The following SF3A1 variants were observed in gnomAD, a reference collection of about 807,000 sequenced individuals.
SF3A1 encodes the protein splicing factor 3a subunit 1.
Under a neutral mutation model 89.9 loss-of-function variants are expected in SF3A1, and 13 were observed. The ratio of observed to expected loss-of-function variants is 0.14; its 90% CI spans 0.09 to 0.23. The LOEUF (loss-of-function observed/expected upper bound fraction) is 0.23. Ranked by LOEUF, SF3A1 falls within the 10% of genes least tolerant of loss-of-function variation. The pLI, the probability that SF3A1 is intolerant of heterozygous loss-of-function variation, is 1.00. For synonymous variants in SF3A1, 405 were observed against 374.4 expected, an observed-to-expected ratio of 1.08 and a Z score of -0.94; for missense variants, 604 against 1,022.1, an observed-to-expected ratio of 0.59 and a Z score of 5.58.
In SF3A1 at chr22:30,340,777, G is replaced by C. The variant is rs763032230; in HGVS notation, c.1107C>G (p.Pro369=). ...GAGGCATGGGTGTCTCTGGGGGTGGGGGCACTTTCTGCCCTTCTTCTTCAT... is the reference window on the plus strand; with the variant it reads ...GAGGCATGGGTGTCTCTGGGGGTGGCGGCACTTTCTGCCCTTCTTCTTCAT... ...SDDEEEGQKV[P]PPPETPMPPP... is the part of the protein sequence containing the mutation. Residue 369 remains proline, a synonymous_variant, in exon 8 of 16, where the codon CCC becomes CCG. Coordinates refer to ENST00000215793, the MANE Select transcript of SF3A1 (RefSeq NM_005877.6). 1.9e-6 allele frequency: 3 copies of C among 1,593,118 alleles called. No homozygotes were observed. Among genetic ancestry groups the C allele is most frequent in the Non-Finnish European group, 2.6e-6 (3 of 1,170,710 alleles).
Position 30,342,216 on chromosome 22 carries a change from G to A in SF3A1, c.861C>T (p.Phe287=), listed in dbSNP as rs776313194. Residue 287 remains phenylalanine (F), a synonymous_variant, in exon 6 of 16, where the codon TTC becomes TTT. Transcript: ENST00000215793. ...HDFVVVETVD[F]QPNEQGNFPP... is the part of the protein sequence containing the mutation. ...CAGACCTACCTTGCTCATTGGGTTGGAAGTCCACTGTTTCCACCACCACAA... is the reference window on the plus strand; with the variant it reads ...CAGACCTACCTTGCTCATTGGGTTGAAAGTCCACTGTTTCCACCACCACAA... 5.0e-6 allele frequency: 8 copies of A among 1,614,042 alleles called. No individual in the cohort carries two copies. Among genetic ancestry groups the A allele is most frequent in the Middle Eastern group, 1.6e-4 (1 of 6,084 alleles).
intron 11 of SF3A1, among the ~76,000 whole-genome samples, chr22:30,338,148 G>A (rs963677211): frequency 6.6e-6 from 1 of 152,126 alleles, no homozygotes; most frequent in Non-Finnish European, 1.5e-5. Flanking sequence ...GGCAAACACT[G>A]AAAGAGTCAC....
intron 13 of SF3A1, 34 bp downstream of exon 13, chr22:30,336,992 C>G: frequency 1.2e-6 from 2 of 1,613,796 alleles, no homozygotes; most frequent in Non-Finnish European, 1.7e-6. Flanking sequence ...AACCCTCCAG[C>G]TAGAAACTTC....
In SF3A1 at chr22:30,340,189, AC is replaced by A; in HGVS notation, c.1375+6del. 1 of 1,505,796 alleles carries A rather than the reference AC, an allele frequency of 6.6e-7. No homozygotes were observed. The highest frequency in any genetic ancestry group is 8.9e-7 in the Non-Finnish European group (1 of 1,129,318). The allele number at this position is 1,505,796 out of a possible 1,614,324, so 93.3% of individuals were successfully genotyped here. The stretch of plus-strand genomic sequence containing the variant: ...TACCATGGGCTCTCCTGGAACCCCC[AC>A]CTCACCTGGTGCGTACACCTCATCA... On this transcript the variant is annotated splice_donor_region_variant and intron_variant, in intron 9 of 15. Coordinates refer to ENST00000215793, the MANE Select transcript of SF3A1 (RefSeq NM_005877.6).
chr22:30,342,440 C>T (rs1931289245), intron 5 of SF3A1, 90 bp from the exon 6 acceptor site: 47 of 1,392,476 alleles, frequency 3.4e-5, no homozygotes, highest in Admixed American at 4.3e-5. Context: ...TCAAAGTCAG[C>T]GCCTCCTTCG....
At chr22:30,347,525 C>G (rs1828472715) in intron 2 of SF3A1, among the ~76,000 whole-genome samples, 1 of 152,108 alleles carries the variant, frequency 6.6e-6, no homozygotes, top group Admixed American at 6.6e-5. Flanking sequence ...CAGATATGCC[C>G]CATGTCCCCA....
At chr22:30,344,675 C>T (rs2145812391) in intron 4 of SF3A1, among the ~76,000 whole-genome samples, 1 of 152,354 alleles carries the variant, frequency 6.6e-6, no homozygotes, top group Non-Finnish European at 1.5e-5. Context: ...GTGGCCTTGT[C>T]ACATAGCAGG....
chr22:30,351,441 C>CA (rs1189646897), intron 2 of SF3A1, among the ~76,000 whole-genome samples: 1 of 152,204 alleles, frequency 6.6e-6, no homozygotes, highest in African/African-American at 2.4e-5. Context: ...CTGGAGAACA[C>CA]ATGCTGATTG....
intron 13 of SF3A1, 146 bp from the exon 14 acceptor site, chr22:30,335,899 G>A: frequency 1.5e-6 from 1 of 680,530 alleles, no homozygotes; most frequent in Non-Finnish European, 2.6e-6. Flanking sequence ...ATAACCCCTT[G>A]TGAGGTTGTA....
chr22:30,352,123 C>T (rs1931616714), intron 2 of SF3A1, among the ~76,000 whole-genome samples: 1 of 150,250 alleles, frequency 6.7e-6, no homozygotes, highest in African/African-American at 2.5e-5. Context: ...GCGGCTAGCA[C>T]CTGCATGGAA....
In SF3A1 at chr22:30,337,748, C is replaced by T. The variant is rs1768650274; in HGVS notation, c.1893G>A (p.Met631Ile). 6.3e-7 allele frequency: 1 copy of T among 1,577,382 alleles called. No homozygotes were observed. Among genetic ancestry groups the T allele is most frequent in the Admixed American group, 1.9e-5 (1 of 52,224 alleles). The change falls in exon 12 of 16, where the codon ATG becomes ATA. Residue 631 changes from methionine (M) to isoleucine (I), a missense_variant. Transcript: ENST00000215793. ...CCATAATAGGAGGGGCCGAGGGAGG[C>T]ATGGGCACCACGTTGATTCTGGGCG... ...IHAPRINVVP[M>I]PPSAPPIMAP...
At chr22:30,354,437 T>C (rs540401705) in intron 1 of SF3A1, among the ~76,000 whole-genome samples, 2 of 152,192 alleles carry the variant, frequency 1.3e-5, no homozygotes, top group Non-Finnish European at 2.9e-5. Context: ...TGTCTTCCCA[T>C]CTTGCTCACC....
rs770845427 is a variant in SF3A1 at position 30,346,529 on chromosome 22, GA to G, written c.186-11del. 2 of 1,612,568 alleles carry G rather than the reference GA, an allele frequency of 1.2e-6. No homozygotes were observed. The highest frequency in any genetic ancestry group is 1.7e-6 in the Non-Finnish European group (2 of 1,179,358). On this transcript the variant is annotated splice_polypyrimidine_tract_variant and intron_variant, in intron 2 of 15. Coordinates refer to ENST00000215793, the MANE Select transcript of SF3A1 (RefSeq NM_005877.6). ...AAATTCAGGCCCGTTTCTGGAGGAAGAAAAAACAACAAGAATAAACACCACT... is the reference window on the plus strand; with the variant it reads ...AAATTCAGGCCCGTTTCTGGAGGAAGAAAAACAACAAGAATAAACACCACT...
Position 30,339,049 on chromosome 22 carries a change from A to T in SF3A1, c.1498-15T>A, listed in dbSNP as rs758911373. 11 of 1,613,974 alleles carry T rather than the reference A, an allele frequency of 6.8e-6. No homozygotes were observed. The Admixed American group carries it at 1.8e-4, about 27-fold the overall frequency. ...TCCCAGGTCACCTGCAAGTGAAAGC[A>T]AAGCCACAATGCTTCTGGAACTAAG... On this transcript the variant is annotated splice_polypyrimidine_tract_variant and intron_variant, in intron 10 of 15. Coordinates refer to ENST00000215793, the MANE Select transcript of SF3A1 (RefSeq NM_005877.6).
At chr22:30,342,631 T>C (rs975292607) in intron 5 of SF3A1, 174 bp downstream of exon 5, 11 of 626,912 alleles carry the variant, frequency 1.8e-5, no homozygotes, top group African/African-American at 3.7e-5. Flanking sequence ...AAAGTTGTGG[T>C]ATGTTGGGAA....
chr22:30,355,815 T>TCCCCCCCCCCCCCCCCCCC (rs11451197), intron 1 of SF3A1, among the ~76,000 whole-genome samples: 6 of 92,280 alleles, frequency 6.5e-5, no homozygotes, highest in Admixed American at 1.1e-4. Flanking sequence ...TCAGTCATGT[T>TCCCCCCCCCCCCCCCCCCC]CCCCCCCCCC....
intron 5 of SF3A1, 179 bp downstream of exon 5, chr22:30,342,626 T>G: frequency 1.6e-6 from 1 of 625,282 alleles, no homozygotes; most frequent in South Asian, 2.0e-5. Context: ...AGCAGAAAGT[T>G]GTGGTATGTT....
intron 13 of SF3A1, among the ~76,000 whole-genome samples, chr22:30,336,114 C>T (rs944546691): frequency 2.6e-5 from 4 of 152,200 alleles, no homozygotes; most frequent in African/African-American, 7.2e-5. Context: ...GCCTCAATGT[C>T]ATTATCCACC....
Position 30,356,793 on chromosome 22 carries a change from G to A in SF3A1, c.-1C>T. 1 of 1,406,532 alleles carries A rather than the reference G, an allele frequency of 7.1e-7. No homozygotes were observed. The highest frequency in any genetic ancestry group is 9.3e-7 in the Non-Finnish European group (1 of 1,070,698). The allele number at this position is 1,406,532 out of a possible 1,614,324, so 87.1% of individuals were successfully genotyped here. On this transcript the variant is annotated 5_prime_UTR_variant, in exon 1 of 16. Coordinates refer to ENST00000215793, the MANE Select transcript of SF3A1 (RefSeq NM_005877.6). ...CCGCCTGCACGGGTCCGGCCGGCATGACTGCGACGCTCAGGGCTGCCAGTC... is the reference window on the plus strand; with the variant it reads ...CCGCCTGCACGGGTCCGGCCGGCATAACTGCGACGCTCAGGGCTGCCAGTC...
Sources: gnomAD v4.1 joint callset for allele counts (sites outside exome capture counted in the v4.1 genomes callset) on GRCh38, gnomAD v4.1.1 for gene constraint, MANE v1.5 for transcripts, NCBI Gene and HGNC (gene_info 2026-07-23, HGNC 2026-07-21) for gene names.